Variants in HMCN1 observed in about 807,000 individuals in gnomAD.
The protein encoded by HMCN1 is hemicentin 1.
Under a neutral mutation model 625.9 loss-of-function variants are expected in HMCN1, and 321 were observed. The observed-to-expected ratio is 0.51, with a 90% CI of 0.47 to 0.56. HMCN1 has a LOEUF of 0.56. Among genes scored for constraint, HMCN1 ranks in the 20% least tolerant of loss-of-function variants. The pLI is 0.00. For missense variants in HMCN1, 6,588 were observed against 6,887.3 expected, an observed-to-expected ratio of 0.96 and a Z score of 1.54; for synonymous variants, 2,425 against 2,417.6, an observed-to-expected ratio of 1.00 and a Z score of -0.09.
intron 29 of HMCN1, among the ~76,000 whole-genome samples, chr1:186,004,500 A>G (rs1475302329): frequency 6.6e-6 from 1 of 152,210 alleles, no homozygotes; most frequent in African/African-American, 2.4e-5. Flanking sequence ...TAGAAAATAT[A>G]TGGAGGATAT....
In HMCN1 at chr1:185,923,409, G is replaced by T. The variant is rs755473370; in HGVS notation, c.1041G>T (p.Leu347=). ...TTGTAGGAATACCTACCTATGTACT[G>T]CTCAATACTTCTGGAATTTCCACTC... ...RPVQGIPTYV[L]LNTSGISTPA... is the part of the protein sequence containing the mutation. Residue 347 remains leucine (L), a synonymous_variant, in exon 8 of 107, where the codon CTG becomes CTT. Transcript: ENST00000271588. The T allele has an allele frequency of 3.1e-6, 5 of 1,610,146 alleles. No homozygotes were observed. Among genetic ancestry groups the T allele is most frequent in the Non-Finnish European group, 2.5e-6 (3 of 1,177,286 alleles).
intron 4 of HMCN1, among the ~76,000 whole-genome samples, chr1:185,870,469 ATTCCC>A (rs1406854149): frequency 2.0e-5 from 3 of 152,002 alleles, no homozygotes; most frequent in Non-Finnish European, 4.4e-5. Flanking sequence ...ATCCTGTAAC[ATTCCC>A]TTCCCTCGAA....
intron 14 of HMCN1, 79 bp downstream of exon 14, chr1:185,965,994 G>A (rs981489690): frequency 1.9e-5 from 18 of 927,072 alleles, no homozygotes; most frequent in Admixed American, 3.5e-5. Context: ...TTAAAACTTT[G>A]TTTTGGTGTG....
Position 186,002,298 on chromosome 1 carries a change from G to C in HMCN1, c.4348+557G>C, listed in dbSNP as rs115120047. On this transcript the variant is annotated intron_variant, in intron 28 of 106. Coordinates refer to ENST00000271588, the MANE Select transcript of HMCN1 (RefSeq NM_031935.3). Reference sequence around the variant, plus strand: ...ATAAATTTAAAATTTTATAATTCTAGTTTGTGAAATTATATTTGCCATTTA... The same window carrying C: ...ATAAATTTAAAATTTTATAATTCTACTTTGTGAAATTATATTTGCCATTTA... 8.4e-3 allele frequency among the ~76,000 whole-genome samples: 1,276 copies of C among 152,116 alleles called. 16 individuals carry two copies. Among genetic ancestry groups the C allele is most frequent in the African/African-American group, 0.03 (1,237 of 41,534 alleles).
intron 1 of HMCN1, among the ~76,000 whole-genome samples, chr1:185,794,519 G>T (rs61689983): frequency 0.087 from 12,979 of 149,896 alleles, 1,877 homozygotes; most frequent in African/African-American, 0.3. Flanking sequence ...AGAGAACTTG[G>T]AGTTTGATGT....
intron 1 of HMCN1, among the ~76,000 whole-genome samples, chr1:185,823,286 C>G (rs1237910702): frequency 6.6e-6 from 1 of 152,076 alleles, no homozygotes. Flanking sequence ...AAAGATAGTT[C>G]TTTTTCATAA....
chr1:186,087,085 T>C (rs1659543499), intron 58 of HMCN1, 132 bp from the exon 59 acceptor site: 1 of 688,690 alleles, frequency 1.5e-6, no homozygotes, highest in African/African-American at 1.8e-5. Flanking sequence ...ATTATTTTAT[T>C]TTAAATAGGA....
In HMCN1 at chr1:186,093,154, C is replaced by T; in HGVS notation, c.9908C>T (p.Thr3303Ile). The T allele has an allele frequency of 6.2e-7, 1 of 1,613,308 alleles. No individual in the cohort carries two copies. Among genetic ancestry groups the T allele is most frequent in the Non-Finnish European group, 8.5e-7 (1 of 1,179,530 alleles). ...ERIRVSANGS[T>I]LNIYGALTSD... Reference sequence around the variant, plus strand: ...CGTAGAGTGAGTGCAAATGGCAGCACATTAAACATTTATGGAGCTCTTACA... The same window carrying T: ...CGTAGAGTGAGTGCAAATGGCAGCATATTAAACATTTATGGAGCTCTTACA... Residue 3303 changes from threonine (T) to isoleucine (I), a missense_variant, in exon 65 of 107, where the codon ACA becomes ATA. Coordinates refer to ENST00000271588, the MANE Select transcript of HMCN1 (RefSeq NM_031935.3).
intron 19 of HMCN1, among the ~76,000 whole-genome samples, chr1:185,986,522 A>G (rs1212707589): frequency 6.6e-6 from 1 of 152,168 alleles, no homozygotes; most frequent in South Asian, 2.1e-4. Flanking sequence ...AACATCGAGT[A>G]TTGATGATTT....
intron 63 of HMCN1, 47 bp from the exon 64 acceptor site, chr1:186,090,711 T>A: frequency 6.2e-7 from 1 of 1,600,014 alleles, no homozygotes; most frequent in Non-Finnish European, 8.6e-7. Flanking sequence ...ACATTAGAAT[T>A]TATATCCTGT....
chr1:185,909,240 C>A, intron 4 of HMCN1, 97 bp from the exon 5 acceptor site: 1 of 882,148 alleles, frequency 1.1e-6, no homozygotes, highest in Non-Finnish European at 1.9e-6. Flanking sequence ...CCAGGATGTG[C>A]CGGAGTCATT....
chr1:186,079,124 ATCAGCAG>A (rs1659009348), intron 55 of HMCN1, among the ~76,000 whole-genome samples: 1 of 150,306 alleles, frequency 6.7e-6, no homozygotes, highest in Non-Finnish European at 1.5e-5. Flanking sequence ...CAGCTCTCTC[ATCAGCAG>A]CTCTCTCATC....
chr1:185,825,837 C>G (rs940195546), intron 1 of HMCN1, among the ~76,000 whole-genome samples: 2 of 152,058 alleles, frequency 1.3e-5, no homozygotes, highest in African/African-American at 2.4e-5. Context: ...CATTTCTGTT[C>G]TAAAAGGTTT....
intron 1 of HMCN1, among the ~76,000 whole-genome samples, chr1:185,840,360 A>C (rs1043143719): frequency 6.6e-6 from 1 of 152,176 alleles, no homozygotes; most frequent in Admixed American, 6.5e-5. Context: ...AGGACATTAT[A>C]ATTGATTTGT....
At position 186,122,963 on chromosome 1, in the gene HMCN1, T is replaced by C. The variant is rs373896888; in HGVS notation, c.12242T>C (p.Ile4081Thr). The C allele has an allele frequency of 1.5e-5, 25 of 1,613,792 alleles. No homozygotes were observed. The Middle Eastern group carries it at 5.1e-4, about 33-fold the overall frequency. The stretch of plus-strand genomic sequence containing the variant: ...TTGTATATTTTAGTTCCTCCAGTCA[T>C]TAGCCCTCATCTAAAGGAATATGTT... The part of the protein sequence containing the change: ...IKLNVQVPPV[I>T]SPHLKEYVIA... Residue 4081 changes from isoleucine to threonine, a missense_variant, in exon 81 of 107, where the codon ATT becomes ACT. Around this residue, in one of 3 missense-constraint regions of HMCN1, gnomAD observed 1,954 missense variants for 2,013.1 expected, o/e 0.97. Transcript: ENST00000271588.
At chr1:186,169,222 T>A (rs1304594800) in intron 100 of HMCN1, among the ~76,000 whole-genome samples, 1 of 152,100 alleles carries the variant, frequency 6.6e-6, no homozygotes, top group African/African-American at 2.4e-5. Context: ...ACATTCCATG[T>A]TCATGGATAA....
Position 185,989,581 on chromosome 1 carries a change from G to A in HMCN1, c.3142G>A (p.Glu1048Lys), listed in dbSNP as rs1430794152. The change falls in exon 21 of 107, where the codon GAG becomes AAG. Residue 1048 changes from glutamate to lysine, a missense_variant. Glu to Lys is a moderately conservative substitution (Grantham distance 56). Around this residue, in one of 3 missense-constraint regions of HMCN1, gnomAD observed 4,628 missense variants for 4,853.1 expected, o/e 0.95. Coordinates refer to ENST00000271588, the MANE Select transcript of HMCN1 (RefSeq NM_031935.3). ...VVSPGGEESG[E>K]YVCTATNTAG... ...ATCACCTGGAGGAGAGGAGAGTGGGGAGTATGTCTGCACTGCCACCAATAC... is the reference window on the plus strand; with the variant it reads ...ATCACCTGGAGGAGAGGAGAGTGGGAAGTATGTCTGCACTGCCACCAATAC... 3.1e-6 allele frequency: 5 copies of A among 1,613,904 alleles called. No homozygotes were observed. The highest frequency in any genetic ancestry group is 4.2e-6 in the Non-Finnish European group (5 of 1,179,994).
At chr1:186,172,236 G>A (rs1652279987) in intron 102 of HMCN1, 105 bp downstream of exon 102, 1 of 1,489,470 alleles carries the variant, frequency 6.7e-7, no homozygotes, top group South Asian at 1.1e-5. Context: ...AGCTAACAAG[G>A]AAATCTTTCT....
chr1:186,003,619 C>A, intron 28 of HMCN1, 99 bp from the exon 29 acceptor site: 1 of 1,123,476 alleles, frequency 8.9e-7, no homozygotes. Context: ...ACATTAAGAT[C>A]TTGTTGAAAT....
Sources: gnomAD v4.1 joint callset for allele counts (sites outside exome capture counted in the v4.1 genomes callset) on GRCh38, gnomAD v4.1.1 for gene constraint, gnomAD v4.1.1 regional missense constraint, MANE v1.5 for transcripts, NCBI Gene and HGNC (gene_info 2026-07-23, HGNC 2026-07-21) for gene names.